RABGAP1L: variants seen among roughly 807,000 people sequenced by gnomAD.
RABGAP1L encodes RAB GTPase activating protein 1 like, also known as rab GTPase-activating protein 1-like.
Under a neutral mutation model 137.7 loss-of-function variants are expected in RABGAP1L, and 63 were observed. The observed-to-expected ratio is 0.46, with a 90% confidence interval of 0.37 to 0.56. The LOEUF (loss-of-function observed/expected upper bound fraction) is 0.56, where lower values mean the gene tolerates loss of function less well. Ranked by LOEUF, RABGAP1L falls within the 20% of genes least tolerant of loss-of-function variation. The pLI is 0.00. For synonymous variants in RABGAP1L, 431 were observed against 433.7 expected (o/e 0.99, Z 0.08); for missense variants, 1,095 against 1,244.0 (o/e 0.88, Z 1.80).
chr1:174,647,032 G>T (rs1190940356), intron 14 of RABGAP1L, among the ~76,000 whole-genome samples: 1 of 152,104 alleles, frequency 6.6e-6, no homozygotes, highest in Non-Finnish European at 1.5e-5. Flanking sequence ...GTATAGGAAT[G>T]CTTGTGATTT....
chr1:174,727,867 A>G (rs1470660742), intron 17 of RABGAP1L, among the ~76,000 whole-genome samples: 2 of 152,096 alleles, frequency 1.3e-5, no homozygotes, highest in Admixed American at 6.5e-5. Flanking sequence ...CCAAAATCTG[A>G]TTTTCTTTTT....
At chr1:174,668,732 G>A (rs753847920) in intron 14 of RABGAP1L, among the ~76,000 whole-genome samples, 39 of 152,228 alleles carry the variant, frequency 2.6e-4, no homozygotes, top group African/African-American at 8.7e-4. Flanking sequence ...CACCAACAAC[G>A]TGCAAGGGTT....
chr1:174,323,295 TTAAG>T (rs1376489661), intron 11 of RABGAP1L, among the ~76,000 whole-genome samples: 7 of 152,052 alleles, frequency 4.6e-5, no homozygotes, highest in African/African-American at 1.4e-4. Context: ...TCAAAAAAAT[TTAAG>T]TAAATCATTT....
At chr1:174,460,852 G>A (rs1372190434) in intron 13 of RABGAP1L, among the ~76,000 whole-genome samples, 2 of 152,070 alleles carry the variant, frequency 1.3e-5, no homozygotes, top group Admixed American at 6.6e-5. Flanking sequence ...AGGTAGGTAG[G>A]TGGGTAGGTA....
chr1:174,319,293 A>G (rs1356239356), intron 11 of RABGAP1L, among the ~76,000 whole-genome samples: 1 of 152,078 alleles, frequency 6.6e-6, no homozygotes, highest in African/African-American at 2.4e-5. Flanking sequence ...TCTTGTTATT[A>G]ATATGAATGA....
At chr1:174,986,621 A>G (rs1553301128) in intron 24 of RABGAP1L, among the ~76,000 whole-genome samples, 1 of 152,210 alleles carries the variant, frequency 6.6e-6, no homozygotes, top group Non-Finnish European at 1.5e-5. Flanking sequence ...GGTAGAGTAA[A>G]TGAATACATT....
chr1:174,161,122 G>A (rs1370766851), intron 1 of RABGAP1L, among the ~76,000 whole-genome samples: 4 of 152,070 alleles, frequency 2.6e-5, no homozygotes, highest in African/African-American at 9.7e-5. Context: ...TTCAATAAAT[G>A]CGCTGATATT....
intron 1 of RABGAP1L, among the ~76,000 whole-genome samples, chr1:174,162,769 C>T (rs913532794): frequency 0.029 from 1,268 of 43,528 alleles, no homozygotes; most frequent in East Asian, 0.032. Context: ...TTTTTTTTTT[C>T]TCTTTCTGTT....
intron 11 of RABGAP1L, among the ~76,000 whole-genome samples, chr1:174,356,129 A>G (rs1188007195): frequency 1.3e-5 from 2 of 152,168 alleles, no homozygotes; most frequent in Non-Finnish European, 2.9e-5. Context: ...GATCACTTTT[A>G]TATTATTCTA....
At chr1:174,801,774 GTTTT>G (rs1688779608) in intron 18 of RABGAP1L, among the ~76,000 whole-genome samples, 1 of 42,618 alleles carries the variant, frequency 2.3e-5, no homozygotes, top group Non-Finnish European at 9.7e-5. Context: ...TTAGAAAGGA[GTTTT>G]GTTTTGTTTT....
At chr1:174,962,016 TA>T (rs1000567782) in intron 20 of RABGAP1L, among the ~76,000 whole-genome samples, 4 of 146,136 alleles carry the variant, frequency 2.7e-5, no homozygotes, top group African/African-American at 7.6e-5. Context: ...AATAAAAATA[TA>T]AAAAAAAATT....
intron 19 of RABGAP1L, among the ~76,000 whole-genome samples, chr1:174,838,809 C>A (rs1397054413): frequency 8.7e-5 from 13 of 149,326 alleles, no homozygotes; most frequent in Non-Finnish European, 1.0e-4. Context: ...CCCAGCTACT[C>A]GGAGAGGCTG....
Position 174,192,522 on chromosome 1 carries a change from C to T in RABGAP1L, c.-33-26603C>T, listed in dbSNP as rs538413758. Among the ~76,000 whole-genome samples, 7 of 152,096 alleles carry T rather than the reference C, an allele frequency of 4.6e-5. 1 individual carries two copies. The South Asian group carries it at 1.5e-3, about 32-fold the overall frequency. On this transcript the variant is annotated intron_variant, in intron 1 of 25. Coordinates refer to ENST00000681986, the MANE Select transcript of RABGAP1L (RefSeq NM_001366446.1). ...ATTTTTATTAGAGACAGGGTTTTACCATCTTGCCAGACTGGTCTCGAACTT... is the reference window on the plus strand; with the variant it reads ...ATTTTTATTAGAGACAGGGTTTTACTATCTTGCCAGACTGGTCTCGAACTT...
intron 19 of RABGAP1L, among the ~76,000 whole-genome samples, chr1:174,917,974 A>T (rs1661161179): frequency 6.6e-6 from 1 of 151,328 alleles, no homozygotes; most frequent in Admixed American, 6.6e-5. Context: ...GTATACGTGT[A>T]TTGAGTGCCT....
chr1:174,290,233 G>A (rs1014826181), intron 10 of RABGAP1L, among the ~76,000 whole-genome samples: 1 of 152,216 alleles, frequency 6.6e-6, no homozygotes, highest in Non-Finnish European at 1.5e-5. Flanking sequence ...GATGTGTGGT[G>A]CCATTGCCAA....
intron 13 of RABGAP1L, among the ~76,000 whole-genome samples, chr1:174,442,486 C>T (rs1654270936): frequency 6.6e-6 from 1 of 152,078 alleles, no homozygotes; most frequent in African/African-American, 2.4e-5. Context: ...TTGGCAGTAA[C>T]ATGGTTTTCT....
At chr1:174,283,129 G>A (rs771888402) in intron 10 of RABGAP1L, among the ~76,000 whole-genome samples, 1 of 151,804 alleles carries the variant, frequency 6.6e-6, no homozygotes, top group Non-Finnish European at 1.5e-5. Flanking sequence ...CAGGCTGGAC[G>A]CAGTGGCTCA....
chr1:174,280,758 A>G (rs891390014), intron 10 of RABGAP1L, among the ~76,000 whole-genome samples: 6 of 152,218 alleles, frequency 3.9e-5, no homozygotes, highest in African/African-American at 1.4e-4. Context: ...GGGAAAGTAA[A>G]CTAGAGAAAG....
intron 18 of RABGAP1L, among the ~76,000 whole-genome samples, chr1:174,784,515 A>T (rs1180319137): frequency 6.6e-6 from 1 of 152,104 alleles, no homozygotes; most frequent in Non-Finnish European, 1.5e-5. Flanking sequence ...CAAGCGTGGG[A>T]CTGGTAGTGG....
Sources: gnomAD v4.1 joint callset for allele counts (sites outside exome capture counted in the v4.1 genomes callset) on GRCh38, gnomAD v4.1.1 for gene constraint, MANE v1.5 for transcripts, NCBI Gene and HGNC (gene_info 2026-07-23, HGNC 2026-07-21) for gene names.